Variants in SLC35D4 observed in about 807,000 individuals in gnomAD.
The protein encoded by SLC35D4 is solute carrier family 35 member D4.
At chr18:23,396,270 G>A in the SLC35D4 span, among the ~76,000 whole-genome samples, 1 of 152,158 alleles carries the variant, frequency 6.6e-6, no homozygotes, top group African/African-American at 2.4e-5. Context: ...CCCCGAAAGT[G>A]TTTTGCATAA....
chr18:23,436,277 C>T, the SLC35D4 span, among the ~76,000 whole-genome samples: 1 of 151,930 alleles, frequency 6.6e-6, no homozygotes, highest in Non-Finnish European at 1.5e-5. Context: ...ATCCACCCGC[C>T]TCGGCCTCCC....
chr18:23,418,880 C>T, the SLC35D4 span, among the ~76,000 whole-genome samples: 15 of 151,874 alleles, frequency 9.9e-5, no homozygotes, highest in African/African-American at 3.1e-4. Flanking sequence ...TGGTGGCACG[C>T]GCCTGTAGTC....
At chr18:23,287,066 G>A in the SLC35D4 span, among the ~76,000 whole-genome samples, 4 of 151,536 alleles carry the variant, frequency 2.6e-5, no homozygotes, top group Admixed American at 6.6e-5. Flanking sequence ...AGCATGCTTT[G>A]AAAGGATTAA....
chr18:23,313,840 C>T, the SLC35D4 span, among the ~76,000 whole-genome samples: 2 of 152,300 alleles, frequency 1.3e-5, no homozygotes, highest in South Asian at 4.1e-4. Context: ...TTGCTTTGGT[C>T]CTGACTCTCA....
chr18:23,312,426 T>C, the SLC35D4 span, among the ~76,000 whole-genome samples: 1 of 152,194 alleles, frequency 6.6e-6, no homozygotes, highest in African/African-American at 2.4e-5. Flanking sequence ...CTGGAAATGT[T>C]TGTATAGTCT....
chr18:23,405,314 A>T, the SLC35D4 span, among the ~76,000 whole-genome samples: 3 of 152,108 alleles, frequency 2.0e-5, no homozygotes, highest in East Asian at 5.8e-4. Flanking sequence ...CAACCTCCCG[A>T]GTAGCTGGGG....
the SLC35D4 span, among the ~76,000 whole-genome samples, chr18:23,358,792 C>G: frequency 6.6e-6 from 1 of 152,188 alleles, no homozygotes; most frequent in African/African-American, 2.4e-5. Flanking sequence ...AGCTAATGTT[C>G]TAGTTTCCAG....
chr18:23,365,166 T>G, the SLC35D4 span, among the ~76,000 whole-genome samples: 1 of 152,150 alleles, frequency 6.6e-6, no homozygotes, highest in Admixed American at 6.6e-5. Context: ...ATAGCAGGCC[T>G]TGGGAAACAT....
the SLC35D4 span, among the ~76,000 whole-genome samples, chr18:23,415,368 AG>A: frequency 6.6e-6 from 1 of 152,202 alleles, no homozygotes; most frequent in Non-Finnish European, 1.5e-5. Flanking sequence ...TGAAAGCTTG[AG>A]AGTTCAAACT....
chr18:23,381,805 C>T, the SLC35D4 span, among the ~76,000 whole-genome samples: 4 of 152,224 alleles, frequency 2.6e-5, no homozygotes, highest in Non-Finnish European at 5.9e-5. Flanking sequence ...CTTTCTAACC[C>T]TCAGTCCTAC....
At chr18:23,431,987 T>C in the SLC35D4 span, among the ~76,000 whole-genome samples, 1 of 152,210 alleles carries the variant, frequency 6.6e-6, no homozygotes, top group African/African-American at 2.4e-5. Flanking sequence ...AGAATTCCCC[T>C]TGTCTGAGCT....
the SLC35D4 span, among the ~76,000 whole-genome samples, chr18:23,351,490 A>G: frequency 6.6e-6 from 1 of 152,232 alleles, no homozygotes; most frequent in Non-Finnish European, 1.5e-5. Flanking sequence ...TTTTCAAAGC[A>G]AAATGTTTGA....
chr18:23,419,173 CAGG>C, the SLC35D4 span, among the ~76,000 whole-genome samples: 12 of 152,238 alleles, frequency 7.9e-5, 1 homozygote, highest in Middle Eastern at 3.4e-3. Flanking sequence ...TGCATCATTT[CAGG>C]ATAGGAAGGA....
At chr18:23,414,792 A>G in the SLC35D4 span, among the ~76,000 whole-genome samples, 4 of 151,974 alleles carry the variant, frequency 2.6e-5, no homozygotes, top group Non-Finnish European at 5.9e-5. Context: ...CATGGACAAT[A>G]TAGCAAGATC....
chr18:23,257,252 A>AC, the SLC35D4 span: 1 of 1,605,018 alleles, frequency 6.2e-7, no homozygotes, highest in Non-Finnish European at 8.5e-7. Context: ...TTCCGGCTGA[A>AC]CAGGCGAGAA....
the SLC35D4 span, chr18:23,385,153 G>A: frequency 9.6e-6 from 13 of 1,357,636 alleles, no homozygotes; most frequent in Admixed American, 2.7e-4. Context: ...TAAAAATAAA[G>A]AGCTGTGGAA....
At chr18:23,253,833 A>G in the SLC35D4 span, 1 of 1,614,238 alleles carries the variant, frequency 6.2e-7, no homozygotes, top group Non-Finnish European at 8.5e-7. Flanking sequence ...CTCAAGGGGA[A>G]ACTCAACAAA....
chr18:23,356,682 G>A, the SLC35D4 span: 2 of 1,613,250 alleles, frequency 1.2e-6, no homozygotes, highest in Non-Finnish European at 1.7e-6. The surrounding 1 kb of genome is among the most constrained non-coding windows in gnomAD (Gnocchi z 4.1). Flanking sequence ...AACAGCAATG[G>A]TGAAACAGTG....
At chr18:23,361,535 T>C in the SLC35D4 span, among the ~76,000 whole-genome samples, 133 of 152,240 alleles carry the variant, frequency 8.7e-4, no homozygotes, top group African/African-American at 2.6e-3. Context: ...TAAGCCCGAC[T>C]TTCTGTACCT....
Sources: gnomAD v4.1 joint callset for allele counts (sites outside exome capture counted in the v4.1 genomes callset) on GRCh38, gnomAD v4.1.1 for gene constraint, Gnocchi (gnomAD v3.1) non-coding constraint, MANE v1.5 for transcripts, NCBI Gene and HGNC (gene_info 2026-07-23, HGNC 2026-07-21) for gene names.